The following LRRC56 variants were observed in gnomAD, a reference collection of about 807,000 sequenced individuals.
The protein encoded by LRRC56 is leucine rich repeat containing 56.
LRRC56 carries 41 observed loss-of-function variants against 47.8 expected under a neutral mutation model. The ratio of observed to expected loss-of-function variants is 0.86; its 90% confidence interval spans 0.67 to 1.11. LRRC56 has a LOEUF of 1.11. LRRC56 is among the 50% of genes most tolerant of loss of function. The probability of loss-of-function intolerance (pLI) is 0.00; values close to 1 mark genes in which losing one functional copy is unlikely to be tolerated. For missense variants in LRRC56, 759 were observed against 704.2 expected, an observed-to-expected ratio of 1.08 and a Z score of -0.88; for synonymous variants, 387 against 311.2, an observed-to-expected ratio of 1.24 and a Z score of -2.56.
chr11:533,052 C>T (rs1235736265), upstream of LRRC56, among the ~76,000 whole-genome samples: 1 of 152,230 alleles, frequency 6.6e-6, no homozygotes, highest in Non-Finnish European at 1.5e-5. Context: ...AGCTACGGCC[C>T]GTGTCCCCAG....
At chr11:532,475 GTCTGCACCTCCTT>G in the LRRC56 span, 1 of 964,348 alleles carries the variant, frequency 1.0e-6, no homozygotes, top group Non-Finnish European at 1.5e-6. Flanking sequence ...TCCTCCTTCC[GTCTGCACCTCCTT>G]CCTGCATCCG....
chr11:540,595 G>T (rs1469437545), intron 3 of LRRC56, 79 bp from the exon 4 acceptor site: 15 of 1,299,890 alleles, frequency 1.2e-5, no homozygotes, highest in Non-Finnish European at 1.5e-5. Flanking sequence ...GGGGGTTGAG[G>T]GCTGGGCCAG....
upstream of LRRC56, chr11:533,899 A>G (rs1177183283): frequency 1.2e-6 from 2 of 1,613,106 alleles, no homozygotes; most frequent in African/African-American, 1.3e-5. Flanking sequence ...AGGATGTCCA[A>G]CAGGCACGTC....
At chr11:552,455 G>A (rs1852454593) in intron 12 of LRRC56, 114 bp from the exon 13 acceptor site, 2 of 1,213,162 alleles carry the variant, frequency 1.6e-6, no homozygotes, top group Non-Finnish European at 2.3e-6. Context: ...GGGGATCAGG[G>A]CTGGGGCTAC....
At chr11:548,560 C>T (rs989877534) in intron 6 of LRRC56, among the ~76,000 whole-genome samples, 23 of 152,276 alleles carry the variant, frequency 1.5e-4, no homozygotes, top group African/African-American at 4.6e-4. Context: ...CCGGTTCAAG[C>T]GATTCTCCTG....
the LRRC56 span, among the ~76,000 whole-genome samples, chr11:530,488 CCT>C: frequency 1.4e-5 from 2 of 139,528 alleles, no homozygotes; most frequent in Non-Finnish European, 3.1e-5. Flanking sequence ...TGTGGCGTCC[CCT>C]GGAGAGAAGG....
chr11:517,182 T>C, the LRRC56 span, among the ~76,000 whole-genome samples: 3 of 152,246 alleles, frequency 2.0e-5, no homozygotes, highest in Non-Finnish European at 2.9e-5. Flanking sequence ...CGCAGTGGCG[T>C]GATCTCAGCT....
intron 8 of LRRC56, 133 bp downstream of exon 8, chr11:550,405 C>T (rs763775167): frequency 3.6e-6 from 3 of 833,952 alleles, no homozygotes; most frequent in Non-Finnish European, 5.4e-6. Flanking sequence ...ACCATGAGTT[C>T]ACCTCCTCTG....
intron 5 of LRRC56, among the ~76,000 whole-genome samples, chr11:543,991 A>G (rs1006487550): frequency 1.6e-4 from 24 of 152,014 alleles, no homozygotes; most frequent in East Asian, 3.9e-4. Context: ...CTAGTGATCC[A>G]CCCACCTCAG....
chr11:546,037 G>T (rs564081691), intron 6 of LRRC56, among the ~76,000 whole-genome samples: 1 of 151,824 alleles, frequency 6.6e-6, no homozygotes, highest in Admixed American at 6.6e-5. Flanking sequence ...TTGGGAGGCC[G>T]AGGTGGGCAG....
At chr11:543,722 C>T (rs1346945821) in intron 5 of LRRC56, among the ~76,000 whole-genome samples, 1 of 152,144 alleles carries the variant, frequency 6.6e-6, no homozygotes, top group Non-Finnish European at 1.5e-5. Flanking sequence ...GGTCTTGGAG[C>T]GCCTGTACCC....
chr11:533,645 G>A (rs1268101902), upstream of LRRC56: 2 of 1,613,362 alleles, frequency 1.2e-6, no homozygotes, highest in African/African-American at 1.3e-5. Context: ...TGGCTACGGG[G>A]GCTGCAGGCG....
chr11:530,503 G>A, the LRRC56 span, among the ~76,000 whole-genome samples: 7 of 120,236 alleles, frequency 5.8e-5, no homozygotes, highest in Admixed American at 8.3e-5. Flanking sequence ...AGAGAAGGGC[G>A]AGTGTGGCGT....
At chr11:532,730 A>G (rs2133982455), upstream of LRRC56, 1 of 1,613,050 alleles carries the variant, frequency 6.2e-7, no homozygotes, top group Non-Finnish European at 8.5e-7. Context: ...CTCACGCACC[A>G]ACGTGTAGAA....
At chr11:533,198 G>A, upstream of LRRC56, 1 of 1,285,822 alleles carries the variant, frequency 7.8e-7, no homozygotes, top group African/African-American at 1.5e-5. Context: ...CCGGAGCTGT[G>A]TCGGCCCAGG....
intron 6 of LRRC56, among the ~76,000 whole-genome samples, chr11:547,899 G>A (rs57891668): frequency 0.19 from 29,488 of 151,896 alleles, 3,286 homozygotes; most frequent in African/African-American, 0.31. Context: ...AGGCCAAGGC[G>A]AGTGGAACAT....
At chr11:527,256 G>C in the LRRC56 span, among the ~76,000 whole-genome samples, 1 of 151,478 alleles carries the variant, frequency 6.6e-6, no homozygotes, top group Non-Finnish European at 1.5e-5. Context: ...AGCTGAGATC[G>C]CGCCACTGCA....
the LRRC56 span, among the ~76,000 whole-genome samples, chr11:524,493 T>C: frequency 6.6e-6 from 1 of 151,992 alleles, no homozygotes; most frequent in Non-Finnish European, 1.5e-5. Flanking sequence ...TAGTCAGGCA[T>C]GGTCGCAGGT....
the LRRC56 span, chr11:506,990 G>A: frequency 2.0e-5 from 3 of 152,354 alleles, no homozygotes; most frequent in East Asian, 5.8e-4. Context: ...CGCCACGGGA[G>A]CGCGCCACTC....
Sources: gnomAD v4.1 joint callset for allele counts (sites outside exome capture counted in the v4.1 genomes callset) on GRCh38, gnomAD v4.1.1 for gene constraint, MANE v1.5 for transcripts, NCBI Gene and HGNC (gene_info 2026-07-23, HGNC 2026-07-21) for gene names.